The following NUP93 variants were observed in gnomAD, a reference collection of about 807,000 sequenced individuals.
The protein encoded by NUP93 is nucleoporin 93.
NUP93 carries 55 observed loss-of-function variants against 107.8 expected under a neutral mutation model. The observed-to-expected ratio is 0.51, with a 90% CI of 0.41 to 0.64. NUP93 has a LOEUF of 0.64. Among genes scored for constraint, NUP93 ranks in the 30% least tolerant of loss-of-function variants. NUP93 has a pLI of 0.00. For missense variants in NUP93, 937 were observed against 1,044.7 expected, an observed-to-expected ratio of 0.90 and a Z score of 1.42; for synonymous variants, 390 against 397.5, an observed-to-expected ratio of 0.98 and a Z score of 0.22.
intron 3 of NUP93, among the ~76,000 whole-genome samples, chr16:56,792,576 A>G (rs1434057850): frequency 6.6e-6 from 1 of 152,226 alleles, no homozygotes; most frequent in African/African-American, 2.4e-5. Flanking sequence ...TATTAAGGAT[A>G]TACTTCAAAG....
At position 56,841,664 on chromosome 16, in the gene NUP93, G is replaced by C. The variant is rs187887370; in HGVS notation, c.2221-41G>C. On this transcript the variant is annotated intron_variant, in intron 20 of 21. Transcript: ENST00000308159. The stretch of plus-strand genomic sequence containing the variant: ...CCTCCATCTGTGGTTGGCCCCAAAG[G>C]CTTGGTTCTTTTTCTTTACTCTGTT... 7.2e-5 allele frequency: 116 copies of C among 1,608,120 alleles called. 1 individual carries two copies. Among genetic ancestry groups the C allele is most frequent in the Non-Finnish European group, 8.8e-5 (104 of 1,177,442 alleles).
chr16:56,763,517 T>C (rs1403652174), intron 3 of NUP93, among the ~76,000 whole-genome samples: 1 of 126,264 alleles, frequency 7.9e-6, no homozygotes, highest in Non-Finnish European at 1.9e-5. Flanking sequence ...TGTGTGTGTA[T>C]GTGTGGGTGT....
chr16:56,776,411 T>C (rs1438838130), intron 3 of NUP93, among the ~76,000 whole-genome samples: 1 of 152,216 alleles, frequency 6.6e-6, no homozygotes, highest in Non-Finnish European at 1.5e-5. Context: ...GTGTCTTTTC[T>C]TTAACATAAT....
intron 2 of NUP93, 87 bp from the exon 3 acceptor site, chr16:56,758,451 T>C: frequency 3.1e-6 from 3 of 959,786 alleles, no homozygotes; most frequent in South Asian, 2.6e-5. Flanking sequence ...AAATGCTCTC[T>C]AGTATTTGAT....
intron 1 of NUP93, among the ~76,000 whole-genome samples, chr16:56,734,296 G>A (rs972947747): frequency 6.6e-6 from 1 of 152,210 alleles, no homozygotes; most frequent in Non-Finnish European, 1.5e-5. Context: ...TAGGTATTTT[G>A]GAGGAGAATA....
intron 1 of NUP93, among the ~76,000 whole-genome samples, chr16:56,733,977 TCTTC>T (rs1415162565): frequency 6.6e-6 from 1 of 152,362 alleles, no homozygotes; most frequent in East Asian, 1.9e-4. Flanking sequence ...TATAGTCTTC[TCTTC>T]CTTCCTTCAT....
rs375867896 is a variant in NUP93 at position 56,817,298 on chromosome 16, C to T, written c.490-1366C>T. 2.0e-5 allele frequency among the ~76,000 whole-genome samples: 3 copies of T among 152,256 alleles called. No individual in the cohort carries two copies. The East Asian group carries it at 5.8e-4, about 29-fold the overall frequency. On this transcript the variant is annotated intron_variant, in intron 5 of 21. Coordinates refer to ENST00000308159, the MANE Select transcript of NUP93 (RefSeq NM_014669.5). ...CCTTGACACTCCAGTGTTCATTCTC[C>T]AGAACCAGGGGCTTCAGACTGCCTT...
intron 4 of NUP93, 93 bp downstream of exon 4, chr16:56,798,631 G>T: frequency 9.9e-7 from 1 of 1,007,328 alleles, no homozygotes; most frequent in Non-Finnish European, 1.6e-6. Context: ...ACTTTGGGAG[G>T]CTGATGCAGG....
At chr16:56,779,106 C>T (rs1191278938) in intron 3 of NUP93, among the ~76,000 whole-genome samples, 2 of 152,140 alleles carry the variant, frequency 1.3e-5, no homozygotes, top group African/African-American at 4.8e-5. Flanking sequence ...ACTTACCCAC[C>T]AGTACTATTG....
At chr16:56,812,624 T>C (rs12925122) in intron 5 of NUP93, among the ~76,000 whole-genome samples, 35,358 of 152,040 alleles carry the variant, frequency 0.23, 4,409 homozygotes, top group Non-Finnish European at 0.27. Flanking sequence ...ATTACAGGTG[T>C]GAGCCACTGT....
At chr16:56,829,760 C>G (rs1963742383) in intron 9 of NUP93, among the ~76,000 whole-genome samples, 1 of 152,118 alleles carries the variant, frequency 6.6e-6, no homozygotes, top group African/African-American at 2.4e-5. Context: ...TTGGGGCCCA[C>G]TAGTGAAGGC....
intron 3 of NUP93, among the ~76,000 whole-genome samples, chr16:56,779,890 T>C (rs751757785): frequency 1.3e-5 from 2 of 152,212 alleles, no homozygotes; most frequent in Non-Finnish European, 2.9e-5. Context: ...GAACAGGTTT[T>C]ACATCCGTGA....
intron 3 of NUP93, among the ~76,000 whole-genome samples, chr16:56,763,248 T>C (rs1251938730): frequency 3.9e-5 from 6 of 152,238 alleles, no homozygotes; most frequent in Non-Finnish European, 5.9e-5. Flanking sequence ...GTCATCCTCC[T>C]CATTCTGCTT....
intron 3 of NUP93, chr16:56,782,099 G>A (rs1962527109): frequency 1.0e-6 from 1 of 985,314 alleles, no homozygotes; most frequent in African/African-American, 1.7e-5. Flanking sequence ...AGTTTGGGGT[G>A]GGAAAAACTT....
intron 3 of NUP93, among the ~76,000 whole-genome samples, chr16:56,762,605 A>G (rs1352402489): frequency 6.6e-6 from 1 of 152,230 alleles, no homozygotes; most frequent in Non-Finnish European, 1.5e-5. Context: ...ATGGCATTAG[A>G]CCATTGCAGA....
At chr16:56,734,327 A>G (rs1349888407) in intron 1 of NUP93, among the ~76,000 whole-genome samples, 1 of 152,252 alleles carries the variant, frequency 6.6e-6, no homozygotes, top group Admixed American at 6.5e-5. Flanking sequence ...TGCAGAGGAA[A>G]CAGTGACTGA....
intron 3 of NUP93, among the ~76,000 whole-genome samples, chr16:56,777,951 G>A (rs1383882082): frequency 6.6e-6 from 1 of 152,192 alleles, no homozygotes; most frequent in Non-Finnish European, 1.5e-5. Context: ...TTAAGAAGTG[G>A]TTTTGTTCAG....
rs879211451 is a variant in NUP93, at chr16:56,832,204, C to T, written c.1252-91C>T. 67 of 1,275,706 alleles carry T rather than the reference C, an allele frequency of 5.3e-5. No individual in the cohort carries two copies. The South Asian group carries it at 7.4e-4, about 14-fold the overall frequency. 79.0% of individuals were successfully genotyped at this position (1,275,706 alleles called of 1,614,324 possible). On this transcript the variant is annotated intron_variant, in intron 11 of 21. Transcript: ENST00000308159. ...CTTAAACACAGCTTCTAGCTGACAT[C>T]ATTGAGCATGGCTGCTGAACAGCTA...
At chr16:56,766,874 G>A (rs1203831822) in intron 3 of NUP93, among the ~76,000 whole-genome samples, 3 of 152,140 alleles carry the variant, frequency 2.0e-5, no homozygotes, top group African/African-American at 7.2e-5. Flanking sequence ...TGTTTGTTTG[G>A]TAGGGACCAG....
Sources: allele counts gnomAD v4.1 joint callset (sites outside exome capture counted in the v4.1 genomes callset), GRCh38; gene constraint gnomAD v4.1.1; transcripts MANE v1.5; gene names NCBI Gene and HGNC (gene_info 2026-07-23, HGNC 2026-07-21).